Variants in KLRF1 observed in about 807,000 individuals in gnomAD.
KLRF1 encodes killer cell lectin-like receptor subfamily F member 1.
A neutral mutation model predicts 30.7 loss-of-function variants in KLRF1; 27 were observed. The ratio of observed to expected loss-of-function variants is 0.88; its 90% confidence interval spans 0.65 to 1.21. The LOEUF (loss-of-function observed/expected upper bound fraction) is 1.21. Among genes scored for constraint, KLRF1 ranks in the 50% most tolerant of loss-of-function variants. The probability of loss-of-function intolerance (pLI) is 0.00; values close to 1 mark genes in which losing one functional copy is unlikely to be tolerated. For synonymous variants in KLRF1, 92 were observed against 89.3 expected, an observed-to-expected ratio of 1.03 and a Z score of -0.17; for missense variants, 246 against 259.3, an observed-to-expected ratio of 0.95 and a Z score of 0.35.
chr12:9,843,970 T>C (rs1867758440), intron 5 of KLRF1, among the ~76,000 whole-genome samples: 1 of 152,162 alleles, frequency 6.6e-6, no homozygotes, highest in South Asian at 2.1e-4. Flanking sequence ...AATTTATTAT[T>C]TAGGTCATGC....
the KLRF1 span, among the ~76,000 whole-genome samples, chr12:9,810,365 T>C: frequency 2.0e-5 from 3 of 152,208 alleles, no homozygotes; most frequent in Non-Finnish European, 4.4e-5. Context: ...TAACTAGGGC[T>C]TATCTTTTGT....
Position 9,844,450 on chromosome 12 carries a change from G to T in KLRF1, c.620G>T (p.Ser207Ile), listed in dbSNP as rs1354851805. The change falls in exon 6 of 6, where the codon AGC becomes ATC. Residue 207 changes from serine (S) to isoleucine (I), a missense_variant. Physicochemically the swap from Ser to Ile is moderately radical, Grantham distance 142. Transcript: ENST00000617889. The stretch of plus-strand genomic sequence containing the variant: ...ATAAAGGGACCAGCTAAAGAAAACA[G>T]CTGTGCTGCCATTAAGGAAAGCAAA... Reference protein sequence around the residue: ...FFIKGPAKENSCAAIKESKIF... With the variant: ...FFIKGPAKENICAAIKESKIF... 2 of 1,608,072 alleles carry T rather than the reference G, an allele frequency of 1.2e-6. No homozygotes were observed. Among genetic ancestry groups the T allele is most frequent in the Non-Finnish European group, 1.7e-6 (2 of 1,175,278 alleles).
chr12:9,825,483 T>C (rs1249257155), upstream of KLRF1, among the ~76,000 whole-genome samples: 1 of 152,158 alleles, frequency 6.6e-6, no homozygotes, highest in Admixed American at 6.6e-5. Flanking sequence ...AGTGGACCCC[T>C]TCCTTATACC....
chr12:9,800,989 C>T, the KLRF1 span, among the ~76,000 whole-genome samples: 1 of 151,926 alleles, frequency 6.6e-6, no homozygotes, highest in Non-Finnish European at 1.5e-5. Context: ...CTAATGCTCT[C>T]CCTCCCCTTC....
At chr12:9,803,641 C>G in the KLRF1 span, among the ~76,000 whole-genome samples, 5 of 151,406 alleles carry the variant, frequency 3.3e-5, no homozygotes, top group African/African-American at 4.9e-5. Context: ...AAATTTTTCT[C>G]TTCTTCTTAT....
At chr12:9,815,936 A>C in the KLRF1 span, among the ~76,000 whole-genome samples, 3 of 152,258 alleles carry the variant, frequency 2.0e-5, no homozygotes, top group African/African-American at 7.2e-5. Context: ...CTCCTGCTTC[A>C]GCCTCCTGAA....
At chr12:9,809,304 G>C in the KLRF1 span, among the ~76,000 whole-genome samples, 1 of 152,022 alleles carries the variant, frequency 6.6e-6, no homozygotes, top group South Asian at 2.1e-4. Context: ...AAAAAGAAAG[G>C]GTGGGACTTT....
At chr12:9,829,756 C>T (rs1241582451) in intron 1 of KLRF1, among the ~76,000 whole-genome samples, 1 of 152,140 alleles carries the variant, frequency 6.6e-6, no homozygotes, top group Non-Finnish European at 1.5e-5. Context: ...GAGACCCTGT[C>T]TCAAATAAAT....
chr12:9,818,474 T>C, the KLRF1 span, among the ~76,000 whole-genome samples: 3 of 152,204 alleles, frequency 2.0e-5, no homozygotes, highest in Admixed American at 2.0e-4. Context: ...CAATATTGTG[T>C]GAGGAACCAT....
chr12:9,827,409 C>A, upstream of KLRF1: 1 of 435,680 alleles, frequency 2.3e-6, no homozygotes, highest in Non-Finnish European at 4.1e-6. Context: ...AAACTGTGAA[C>A]CCTCATATGT....
chr12:9,812,225 C>T, the KLRF1 span, among the ~76,000 whole-genome samples: 1 of 152,004 alleles, frequency 6.6e-6, no homozygotes, highest in Non-Finnish European at 1.5e-5. Flanking sequence ...ATTAGCCAGA[C>T]GTGGTGGCGG....
chr12:9,843,598 G>A (rs946350971), intron 5 of KLRF1, among the ~76,000 whole-genome samples: 5 of 152,122 alleles, frequency 3.3e-5, no homozygotes, highest in Admixed American at 6.6e-5. Flanking sequence ...GTCACTGAAC[G>A]TCATGAAGTT....
At chr12:9,842,586 G>A (rs1867729195) in intron 5 of KLRF1, among the ~76,000 whole-genome samples, 153 bp downstream of exon 5, 1 of 152,112 alleles carries the variant, frequency 6.6e-6, no homozygotes, top group Admixed American at 6.6e-5. Flanking sequence ...ATGATGGATA[G>A]TTTGATTTGA....
the KLRF1 span, among the ~76,000 whole-genome samples, chr12:9,813,129 A>ATT: frequency 6.6e-6 from 1 of 150,966 alleles, no homozygotes; most frequent in African/African-American, 2.4e-5. Flanking sequence ...ATGTCTTTTT[A>ATT]TTTTTTTATT....
At chr12:9,807,884 C>T in the KLRF1 span, among the ~76,000 whole-genome samples, 1 of 151,962 alleles carries the variant, frequency 6.6e-6, no homozygotes, top group African/African-American at 2.4e-5. Context: ...TTTATTTTTA[C>T]TCAGCACACT....
At chr12:9,811,298 G>T in the KLRF1 span, among the ~76,000 whole-genome samples, 1 of 53,304 alleles carries the variant, frequency 1.9e-5, no homozygotes, top group Non-Finnish European at 3.4e-5. Flanking sequence ...CAGAATTTCT[G>T]AAAAACCCAT....
At chr12:9,822,735 A>G (rs1354131767), upstream of KLRF1, among the ~76,000 whole-genome samples, 1 of 152,182 alleles carries the variant, frequency 6.6e-6, no homozygotes, top group African/African-American at 2.4e-5. Flanking sequence ...CATCTCACAC[A>G]CAATGACACA....
chr12:9,802,019 G>C, the KLRF1 span, among the ~76,000 whole-genome samples: 1 of 151,762 alleles, frequency 6.6e-6, no homozygotes, highest in Non-Finnish European at 1.5e-5. Context: ...CCAAAATCTG[G>C]CAGAGACACA....
the KLRF1 span, among the ~76,000 whole-genome samples, chr12:9,809,817 G>GT: frequency 1.8e-4 from 28 of 151,612 alleles, no homozygotes; most frequent in Middle Eastern, 3.4e-3. Context: ...TGATAAATCT[G>GT]TTTTTTTTAA....
Sources: gnomAD v4.1 joint callset for allele counts (sites outside exome capture counted in the v4.1 genomes callset) on GRCh38, gnomAD v4.1.1 for gene constraint, MANE v1.5 for transcripts, NCBI Gene and HGNC (gene_info 2026-07-23, HGNC 2026-07-21) for gene names.